Variants in LRRC4C observed in about 807,000 individuals in gnomAD.
LRRC4C encodes the protein leucine-rich repeat-containing protein 4C.
In LRRC4C, 5 loss-of-function variants were observed where a neutral mutation model predicts 33.6. That is an observed-to-expected ratio of 0.15 (90% CI 0.08 to 0.31). LRRC4C has a LOEUF of 0.31. LRRC4C is among the 10% of genes least tolerant of loss of function. The pLI is 1.00. For missense variants in LRRC4C, 560 were observed against 796.7 expected, an observed-to-expected ratio of 0.70 and a Z score of 3.58; for synonymous variants, 329 against 302.0, an observed-to-expected ratio of 1.09 and a Z score of -0.93.
intron 1 of LRRC4C, among the ~76,000 whole-genome samples, chr11:41,354,550 A>G (rs1318410312): frequency 3.3e-5 from 5 of 151,956 alleles, no homozygotes; most frequent in African/African-American, 9.7e-5. Context: ...AAATCAGGGG[A>G]AAAAAAGACT....
intron 1 of LRRC4C, among the ~76,000 whole-genome samples, chr11:41,336,438 T>TG (rs1951456064): frequency 8.6e-6 from 1 of 115,942 alleles, no homozygotes; most frequent in Non-Finnish European, 2.0e-5. Context: ...AAATAAAAGG[T>TG]GGGGAAAAAA....
chr11:40,272,572 T>G (rs1360823609), intron 4 of LRRC4C, among the ~76,000 whole-genome samples: 3 of 152,118 alleles, frequency 2.0e-5, no homozygotes, highest in Non-Finnish European at 4.4e-5. Flanking sequence ...TTTGTTAGTT[T>G]GTTTTTTTCA....
At chr11:41,294,308 G>A (rs1031414477) in intron 1 of LRRC4C, among the ~76,000 whole-genome samples, 7 of 152,218 alleles carry the variant, frequency 4.6e-5, no homozygotes, top group Non-Finnish European at 8.8e-5. Flanking sequence ...GTCACAGAGT[G>A]TGAGAGAAAA....
At chr11:41,298,195 C>T (rs1950193382) in intron 1 of LRRC4C, among the ~76,000 whole-genome samples, 1 of 152,160 alleles carries the variant, frequency 6.6e-6, no homozygotes, top group Admixed American at 6.5e-5. Flanking sequence ...ATACTTGTCG[C>T]TGCCTCAGTT....
At chr11:40,645,114 C>G (rs971629709) in intron 3 of LRRC4C, among the ~76,000 whole-genome samples, 3 of 152,096 alleles carry the variant, frequency 2.0e-5, no homozygotes. Flanking sequence ...CAGTTTATAG[C>G]CCTGATACCT....
chr11:41,169,536 G>A (rs188012976), intron 1 of LRRC4C, among the ~76,000 whole-genome samples: 1 of 152,186 alleles, frequency 6.6e-6, no homozygotes, highest in East Asian at 1.9e-4. Context: ...ATATCATAGA[G>A]AATCCAAGCC....
intron 3 of LRRC4C, among the ~76,000 whole-genome samples, chr11:40,605,006 A>G (rs968039446): frequency 6.6e-6 from 1 of 152,156 alleles, no homozygotes; most frequent in Non-Finnish European, 1.5e-5. Flanking sequence ...TTGTATGATT[A>G]TAGAGAGTCC....
chr11:40,260,961 A>C (rs1867664739), intron 4 of LRRC4C, among the ~76,000 whole-genome samples: 1 of 152,130 alleles, frequency 6.6e-6, no homozygotes, highest in Admixed American at 6.6e-5. Flanking sequence ...GCTCACTGTA[A>C]CTTTGAACTT....
At chr11:40,212,690 A>T (rs1373395818) in intron 5 of LRRC4C, among the ~76,000 whole-genome samples, 2 of 152,200 alleles carry the variant, frequency 1.3e-5, no homozygotes, top group African/African-American at 4.8e-5. Context: ...AACACAGCAG[A>T]CACATGAGGG....
intron 3 of LRRC4C, among the ~76,000 whole-genome samples, chr11:40,610,405 A>C (rs560395535): frequency 5.9e-5 from 9 of 152,042 alleles, no homozygotes; most frequent in African/African-American, 2.2e-4. Flanking sequence ...GCCCACAGCT[A>C]ACCTCATACT....
rs182514389 is a variant in LRRC4C, at chr11:40,139,087, C to T, written c.-43+1714G>A. On this transcript the variant is annotated intron_variant, in intron 6 of 6. Transcript: ENST00000528697. ...TCTAACTAAGTCCAAATTACTTCCT[C>T]ATTGCTAACAAGAGAAAGAGAGGGA... Among the ~76,000 whole-genome samples the T allele has an allele frequency of 4.6e-5, 7 of 152,322 alleles. 1 individual carries two copies. In the East Asian group the frequency reaches 1.3e-3, roughly 29 times the overall value.
At chr11:41,044,284 T>TA (rs1050582545) in intron 1 of LRRC4C, among the ~76,000 whole-genome samples, 36 of 152,210 alleles carry the variant, frequency 2.4e-4, no homozygotes, top group African/African-American at 8.7e-4. Flanking sequence ...TACAAGTGCA[T>TA]AAAAAAATGA....
At chr11:41,377,835 G>A (rs1007381802) in intron 1 of LRRC4C, among the ~76,000 whole-genome samples, 1 of 152,096 alleles carries the variant, frequency 6.6e-6, no homozygotes, top group African/African-American at 2.4e-5. Flanking sequence ...TACTGTAACA[G>A]TGACTTTCCA....
chr11:41,316,273 A>AAC (rs1555145074), intron 1 of LRRC4C, among the ~76,000 whole-genome samples: 7 of 150,114 alleles, frequency 4.7e-5, no homozygotes, highest in South Asian at 2.1e-4. Context: ...AAAAAAAAAA[A>AAC]AAAAAACAAA....
intron 2 of LRRC4C, among the ~76,000 whole-genome samples, chr11:40,732,057 A>AT (rs1491524198): frequency 1.7e-5 from 1 of 59,126 alleles, no homozygotes; most frequent in Admixed American, 1.4e-4. Context: ...GCAAAAAAAA[A>AT]CCAAAAAAAA....
intron 1 of LRRC4C, among the ~76,000 whole-genome samples, chr11:41,130,538 A>G (rs1942963289): frequency 6.6e-6 from 1 of 152,024 alleles, no homozygotes; most frequent in Admixed American, 6.6e-5. Flanking sequence ...TCATCCAGAC[A>G]TTTACTGTAT....
intron 1 of LRRC4C, among the ~76,000 whole-genome samples, chr11:41,317,859 A>G (rs1412281932): frequency 2.0e-5 from 3 of 152,154 alleles, no homozygotes; most frequent in African/African-American, 7.2e-5. Flanking sequence ...TTGAAATGGT[A>G]AGTCAATTTC....
intron 1 of LRRC4C, among the ~76,000 whole-genome samples, chr11:40,996,038 C>T (rs1853944652): frequency 6.6e-6 from 1 of 152,154 alleles, no homozygotes; most frequent in Admixed American, 6.5e-5. Flanking sequence ...CATAGTTCCA[C>T]TGTTCATGAG....
At chr11:41,302,324 A>G (rs1328758081) in intron 1 of LRRC4C, among the ~76,000 whole-genome samples, 7 of 152,188 alleles carry the variant, frequency 4.6e-5, no homozygotes, top group Non-Finnish European at 1.0e-4. Flanking sequence ...ACTCAGAAAC[A>G]AGGGAGGGGA....
Sources: gnomAD v4.1 joint callset for allele counts (sites outside exome capture counted in the v4.1 genomes callset) on GRCh38, gnomAD v4.1.1 for gene constraint, MANE v1.5 for transcripts, NCBI Gene and HGNC (gene_info 2026-07-23, HGNC 2026-07-21) for gene names.